NTM: variants seen among roughly 807,000 people sequenced by gnomAD.
The protein encoded by NTM is IgLON family member 2.
In NTM, 13 loss-of-function variants were observed where a neutral mutation model predicts 42.1. The observed-to-expected ratio is 0.31, with a 90% CI of 0.20 to 0.49. NTM has a LOEUF of 0.49. NTM is among the 20% of genes least tolerant of loss of function. NTM has a pLI of 0.99. For synonymous variants in NTM, 187 were observed against 179.2 expected (o/e 1.04, Z -0.35); for missense variants, 373 against 452.8 (o/e 0.82, Z 1.60).
chr11:131,801,952 T>C (rs186545206), intron 1 of NTM, among the ~76,000 whole-genome samples: 1 of 152,154 alleles, frequency 6.6e-6, no homozygotes, highest in Non-Finnish European at 1.5e-5. Context: ...TCTCCTCATA[T>C]TACCCTCCCC....
chr11:132,330,012 G>A (rs540031820), intron 7 of NTM, 141 bp from the exon 8 acceptor site: 31 of 1,367,794 alleles, frequency 2.3e-5, no homozygotes, highest in South Asian at 7.7e-5. Flanking sequence ...CAGTGGTCAG[G>A]ACAGCAAGGG....
chr11:131,913,537 C>G (rs943066924), intron 2 of NTM, among the ~76,000 whole-genome samples: 1 of 152,152 alleles, frequency 6.6e-6, no homozygotes, highest in African/African-American at 2.4e-5. Flanking sequence ...TTAGGAGGAG[C>G]TTCTTTTTGA....
At chr11:132,057,276 AT>A (rs11296861) in intron 2 of NTM, among the ~76,000 whole-genome samples, 42,094 of 148,066 alleles carry the variant, frequency 0.28, 4,097 homozygotes, top group South Asian at 0.43. Context: ...TGTATTTTGG[AT>A]TTTTTTTTTT....
At chr11:131,631,941 G>C (rs1177227422) in intron 1 of NTM, among the ~76,000 whole-genome samples, 1 of 151,838 alleles carries the variant, frequency 6.6e-6, no homozygotes, top group Non-Finnish European at 1.5e-5. Context: ...TATTTCCGGG[G>C]ACTTCTCTTT....
chr11:132,050,958 G>C (rs2078769691), intron 2 of NTM, among the ~76,000 whole-genome samples: 1 of 152,230 alleles, frequency 6.6e-6, no homozygotes, highest in Admixed American at 6.5e-5. Flanking sequence ...AAGAGGACTT[G>C]ATGAAATCTG....
intron 1 of NTM, among the ~76,000 whole-genome samples, chr11:131,541,605 C>T (rs199622047): frequency 2.6e-5 from 4 of 152,184 alleles, no homozygotes; most frequent in East Asian, 1.9e-4. Context: ...AGTCAATTCA[C>T]GTGTCCTGTC....
intron 1 of NTM, among the ~76,000 whole-genome samples, chr11:131,386,436 A>G (rs1375171600): frequency 1.3e-5 from 2 of 152,254 alleles, no homozygotes; most frequent in Non-Finnish European, 2.9e-5. Flanking sequence ...TACACTTAGA[A>G]ATGGTTAAAA....
At chr11:131,697,809 G>A (rs940937653) in intron 1 of NTM, among the ~76,000 whole-genome samples, 5 of 152,154 alleles carry the variant, frequency 3.3e-5, no homozygotes, top group Admixed American at 6.5e-5. Flanking sequence ...AGAAGGTGTG[G>A]TTTGTGATTT....
intron 8 of NTM, chr11:132,332,221 C>T (rs1257389417): frequency 8.5e-5 from 13 of 152,254 alleles, no homozygotes; most frequent in Admixed American, 1.3e-4. Flanking sequence ...GCCCCTGCCT[C>T]GGGGCTACCC....
intron 1 of NTM, among the ~76,000 whole-genome samples, chr11:131,386,851 T>C (rs906270237): frequency 7.2e-5 from 11 of 152,212 alleles, no homozygotes; most frequent in Admixed American, 6.5e-4. Flanking sequence ...CCAGTCTTCT[T>C]TCTTTATCCC....
chr11:132,191,393 G>T (rs577392547), intron 3 of NTM, among the ~76,000 whole-genome samples: 2 of 152,220 alleles, frequency 1.3e-5, no homozygotes, highest in Non-Finnish European at 2.9e-5. Context: ...CAGGGTTAGA[G>T]CACACTGCCC....
intron 1 of NTM, among the ~76,000 whole-genome samples, chr11:131,742,294 C>A (rs2081294858): frequency 6.6e-6 from 1 of 152,086 alleles, no homozygotes; most frequent in Non-Finnish European, 1.5e-5. Flanking sequence ...TTTGTCATGG[C>A]CTTTGGAAAA....
intron 2 of NTM, among the ~76,000 whole-genome samples, chr11:132,109,022 A>G (rs1393133242): frequency 6.6e-6 from 1 of 152,204 alleles, no homozygotes; most frequent in East Asian, 1.9e-4. Flanking sequence ...TATTTCTCCA[A>G]AGGACATGAA....
intron 2 of NTM, among the ~76,000 whole-genome samples, chr11:132,123,071 C>T (rs377455573): frequency 5.9e-5 from 9 of 152,180 alleles, no homozygotes; most frequent in East Asian, 1.9e-4. Flanking sequence ...TGCATCTCCC[C>T]GTCAGCCTTG....
intron 2 of NTM, among the ~76,000 whole-genome samples, chr11:132,111,310 A>G (rs1418730210): frequency 6.6e-6 from 1 of 151,696 alleles, no homozygotes; most frequent in Non-Finnish European, 1.5e-5. Context: ...ATATACATAT[A>G]TATTTTTTCT....
chr11:131,938,388 G>A (rs550921860), intron 2 of NTM, among the ~76,000 whole-genome samples: 4 of 152,316 alleles, frequency 2.6e-5, no homozygotes, highest in Admixed American at 2.0e-4. Context: ...AAGCTGTGTG[G>A]CTGAAACCGT....
Position 131,911,376 on chromosome 11 carries a change from C to G in NTM, c.83-188C>G, listed in dbSNP as rs537913910. 3.7e-5 allele frequency: 57 copies of G among 1,560,644 alleles called. No homozygotes were observed. The African/African-American group carries it at 6.5e-4, about 18-fold the overall frequency. On this transcript the variant is annotated intron_variant, in intron 1 of 8. Transcript: ENST00000683400. Reference sequence around the variant, plus strand: ...GCGCCTCCCGGTCGCCGCGGGTTCACCGCTCAGTCCCCGCGCTCGCTCCGC... The same window carrying G: ...GCGCCTCCCGGTCGCCGCGGGTTCAGCGCTCAGTCCCCGCGCTCGCTCCGC...
chr11:132,013,653 C>T (rs1158669300), intron 2 of NTM, among the ~76,000 whole-genome samples: 1 of 152,098 alleles, frequency 6.6e-6, no homozygotes, highest in Non-Finnish European at 1.5e-5. Flanking sequence ...AAGAGTTCAG[C>T]TCACTATTTC....
intron 1 of NTM, chr11:131,794,998 A>G: frequency 1.0e-6 from 1 of 985,396 alleles, no homozygotes; most frequent in Non-Finnish European, 1.2e-6. Context: ...GGCAGGCTAC[A>G]GAAGTACTCA....
Sources: gnomAD v4.1 joint callset for allele counts (sites outside exome capture counted in the v4.1 genomes callset) on GRCh38, gnomAD v4.1.1 for gene constraint, MANE v1.5 for transcripts, NCBI Gene and HGNC (gene_info 2026-07-23, HGNC 2026-07-21) for gene names.